The following FAM135B variants were observed in gnomAD, a reference collection of about 807,000 sequenced individuals.
FAM135B encodes the protein family with sequence similarity 135 member B, also known as protein FAM135B.
A neutral mutation model predicts 127.7 loss-of-function variants in FAM135B; 43 were observed. That is an observed-to-expected ratio of 0.34 (90% CI 0.26 to 0.43). FAM135B has a LOEUF of 0.43. Ranked by LOEUF, FAM135B falls within the 20% of genes least tolerant of loss-of-function variation. The probability of loss-of-function intolerance (pLI) is 1.00; values close to 1 mark genes in which losing one functional copy is unlikely to be tolerated. For missense variants in FAM135B, 1,558 were observed against 1,725.6 expected (o/e 0.90, Z 1.72); for synonymous variants, 670 against 665.1 (o/e 1.01, Z -0.11).
intron 7 of FAM135B, among the ~76,000 whole-genome samples, chr8:138,239,993 C>T (rs1335237776): frequency 2.2e-5 from 2 of 92,736 alleles, no homozygotes; most frequent in Non-Finnish European, 4.0e-5. Flanking sequence ...ACACCAGGGC[C>T]TGTCATGGGG....
At chr8:138,269,457 C>G (rs1488480900) in intron 3 of FAM135B, among the ~76,000 whole-genome samples, 2 of 152,318 alleles carry the variant, frequency 1.3e-5, no homozygotes, top group East Asian at 3.9e-4. Context: ...GCCCAAACAC[C>G]AGAAGACAAC....
chr8:138,154,872 C>T (rs1818567459), intron 12 of FAM135B, among the ~76,000 whole-genome samples: 2 of 152,228 alleles, frequency 1.3e-5, no homozygotes, highest in African/African-American at 4.8e-5. Flanking sequence ...AAACACTGTT[C>T]AGGATATTAT....
At chr8:138,383,859 A>G (rs1013017330) in intron 1 of FAM135B, among the ~76,000 whole-genome samples, 1 of 152,154 alleles carries the variant, frequency 6.6e-6, no homozygotes, top group African/African-American at 2.4e-5. Flanking sequence ...AAAGGAGACC[A>G]CGCCCATCCT....
chr8:138,361,898 A>AT (rs1362986972), intron 2 of FAM135B, among the ~76,000 whole-genome samples: 1 of 152,086 alleles, frequency 6.6e-6, no homozygotes, highest in African/African-American at 2.4e-5. Flanking sequence ...CTGTTTCTTC[A>AT]TAGTATCCCC....
chr8:138,212,944 A>G (rs994204868), intron 7 of FAM135B, among the ~76,000 whole-genome samples: 8 of 152,226 alleles, frequency 5.3e-5, no homozygotes, highest in African/African-American at 1.9e-4. Context: ...TTTTTTAAAA[A>G]AAATTACTAG....
In FAM135B at chr8:138,131,699, A is replaced by C. The variant is rs6983594; in HGVS notation, c.*894T>G. Reference sequence around the variant, plus strand: ...GGATTTAATTTTTTGCAATTGCATCAAATGCTAACATAGCATGTCTTTGGA... The same window carrying C: ...GGATTTAATTTTTTGCAATTGCATCCAATGCTAACATAGCATGTCTTTGGA... On this transcript the variant is annotated 3_prime_UTR_variant, in exon 20 of 20. Coordinates refer to ENST00000395297, the MANE Select transcript of FAM135B (RefSeq NM_015912.4). The C allele has an allele frequency of 6.6e-6, 1 of 152,500 alleles. No homozygotes were observed. The highest frequency in any genetic ancestry group is 2.4e-5 in the African/African-American group (1 of 41,412). 9.4% of individuals were successfully genotyped at this position (152,500 alleles called of 1,614,324 possible).
At chr8:138,383,550 G>A (rs1831997952) in intron 1 of FAM135B, among the ~76,000 whole-genome samples, 1 of 152,192 alleles carries the variant, frequency 6.6e-6, no homozygotes, top group Admixed American at 6.5e-5. Context: ...ATAAAGGGAA[G>A]AGGAAACCAC....
chr8:138,152,426 T>C lies in FAM135B; in HGVS notation c.2049A>G (p.Ile683Met). 1 of 1,614,160 alleles carries C rather than the reference T, an allele frequency of 6.2e-7. No individual in the cohort carries two copies. Among genetic ancestry groups the C allele is most frequent in the Non-Finnish European group, 8.5e-7 (1 of 1,180,034 alleles). ...SGVIKRSSSI[I>M]SDSGIESEPS... is the part of the protein sequence containing the mutation. The stretch of plus-strand genomic sequence containing the variant: ...GCTCACTCTCAATGCCTGAATCAGA[T>C]ATGATGGATGAAGATCTCTTGATGA... Residue 683 changes from isoleucine to methionine, a missense_variant, in exon 13 of 20, where the codon ATA becomes ATG. Physicochemically the swap from Ile to Met is conservative, Grantham distance 10. Transcript: ENST00000395297.
At chr8:138,199,852 C>A (rs1375388062) in intron 7 of FAM135B, among the ~76,000 whole-genome samples, 1 of 152,208 alleles carries the variant, frequency 6.6e-6, no homozygotes, top group Non-Finnish European at 1.5e-5. Flanking sequence ...CCAATCACCT[C>A]CTCCCTCGAC....
chr8:138,309,858 C>CTTT (rs145453026), intron 3 of FAM135B, among the ~76,000 whole-genome samples: 8 of 86,754 alleles, frequency 9.2e-5, no homozygotes, highest in Admixed American at 2.9e-4. Context: ...AGTCTTTCTA[C>CTTT]TTTTTTTTTT....
chr8:138,148,174 T>C (rs190621246), intron 14 of FAM135B, among the ~76,000 whole-genome samples: 139 of 152,358 alleles, frequency 9.1e-4, no homozygotes, highest in African/African-American at 3.2e-3. Flanking sequence ...ATTCCCATAA[T>C]ACATTAATTT....
At chr8:138,306,831 G>A (rs1826299007) in intron 3 of FAM135B, among the ~76,000 whole-genome samples, 1 of 152,108 alleles carries the variant, frequency 6.6e-6, no homozygotes, top group Non-Finnish European at 1.5e-5. Flanking sequence ...TGATCTGCCT[G>A]CCTCGGCCTC....
At chr8:138,273,730 T>C (rs1434434116) in intron 3 of FAM135B, among the ~76,000 whole-genome samples, 1 of 152,190 alleles carries the variant, frequency 6.6e-6, no homozygotes, top group African/African-American at 2.4e-5. Flanking sequence ...TCGCCTGTTC[T>C]TCCAGCTCTT....
At chr8:138,388,819 T>C (rs1012022142) in intron 1 of FAM135B, among the ~76,000 whole-genome samples, 7 of 152,162 alleles carry the variant, frequency 4.6e-5, no homozygotes, top group African/African-American at 1.7e-4. Flanking sequence ...CAATGGTTAA[T>C]ATATGTCAAC....
chr8:138,419,677 AAAT>A (rs1203863753), intron 1 of FAM135B, among the ~76,000 whole-genome samples: 1 of 152,202 alleles, frequency 6.6e-6, no homozygotes, highest in Non-Finnish European at 1.5e-5. Flanking sequence ...GCACAATTAA[AAAT>A]AATAATATCA....
At chr8:138,358,187 C>A (rs1038712311) in intron 2 of FAM135B, among the ~76,000 whole-genome samples, 1 of 152,094 alleles carries the variant, frequency 6.6e-6, no homozygotes, top group African/African-American at 2.4e-5. Flanking sequence ...CAATTACCTC[C>A]CACCAGGTTC....
Position 138,347,588 on chromosome 8 carries a change from AG to A in FAM135B, c.77+20318del, listed in dbSNP as rs778700084. Among the ~76,000 whole-genome samples the A allele has an allele frequency of 1.6e-3, 246 of 152,314 alleles. 2 individuals carry two copies. The highest frequency in any genetic ancestry group is 2.8e-3 in the Non-Finnish European group (193 of 68,026). On this transcript the variant is annotated intron_variant, in intron 2 of 19. Coordinates refer to ENST00000395297, the MANE Select transcript of FAM135B (RefSeq NM_015912.4). ...ACAGTCTGCTGCTTTTATAATTAAC[AG>A]CCCTCTCATAACCCCTTGAGATTTT...
chr8:138,485,520 GTTTAA>G (rs1814951273), intron 1 of FAM135B, among the ~76,000 whole-genome samples: 1 of 152,110 alleles, frequency 6.6e-6, no homozygotes, highest in Non-Finnish European at 1.5e-5. Flanking sequence ...AATAGAAGCT[GTTTAA>G]TTTTATTTTT....
At chr8:138,322,460 G>C (rs1175675752) in intron 2 of FAM135B, among the ~76,000 whole-genome samples, 1 of 152,148 alleles carries the variant, frequency 6.6e-6, no homozygotes, top group Non-Finnish European at 1.5e-5. Context: ...GGTTTTTCCA[G>C]TGAGTTCTGA....
Sources: allele counts gnomAD v4.1 joint callset (sites outside exome capture counted in the v4.1 genomes callset), GRCh38; gene constraint gnomAD v4.1.1; transcripts MANE v1.5; gene names NCBI Gene and HGNC (gene_info 2026-07-23, HGNC 2026-07-21).